Variants in DNM3 observed in about 807,000 individuals in gnomAD.
DNM3 encodes dynamin-3.
In DNM3, 47 loss-of-function variants were observed where a neutral mutation model predicts 101.6. That is an observed-to-expected ratio of 0.46 (90% CI 0.37 to 0.59). DNM3 has a LOEUF of 0.59. DNM3 is among the 20% of genes least tolerant of loss of function. The pLI, the probability that DNM3 is intolerant of heterozygous loss-of-function variation, is 0.00. For synonymous variants in DNM3, 385 were observed against 387.9 expected (o/e 0.99, Z 0.09); for missense variants, 849 against 1,085.7 (o/e 0.78, Z 3.06).
chr1:172,219,377 C>CAAAAA (rs58783160), intron 14 of DNM3, among the ~76,000 whole-genome samples: 102 of 56,212 alleles, frequency 1.8e-3, no homozygotes, highest in African/African-American at 4.5e-3. Context: ...TACCCTGTCT[C>CAAAAA]AAAAAAAAAA....
chr1:172,140,747 C>T (rs2057530903), intron 14 of DNM3, among the ~76,000 whole-genome samples: 1 of 151,792 alleles, frequency 6.6e-6, no homozygotes. Context: ...AACAATTGTT[C>T]TATTCATAAG....
chr1:172,133,740 A>G (rs1258830532), intron 14 of DNM3, among the ~76,000 whole-genome samples: 4 of 152,126 alleles, frequency 2.6e-5, no homozygotes, highest in African/African-American at 7.2e-5. Context: ...GACTGAGATG[A>G]TGAGCTGTGC....
chr1:172,228,241 A>T (rs1448011890), intron 14 of DNM3, among the ~76,000 whole-genome samples: 1 of 151,444 alleles, frequency 6.6e-6, no homozygotes, highest in African/African-American at 2.4e-5. Flanking sequence ...CCAAATTGTC[A>T]TCTATTTTGT....
chr1:172,067,574 C>T (rs1157932448), intron 10 of DNM3, among the ~76,000 whole-genome samples: 1 of 152,146 alleles, frequency 6.6e-6, no homozygotes, highest in South Asian at 2.1e-4. Context: ...ACACATGTTC[C>T]TGTTCCTGGC....
chr1:171,861,505 A>G (rs886947286), intron 1 of DNM3, among the ~76,000 whole-genome samples: 1 of 152,174 alleles, frequency 6.6e-6, no homozygotes, highest in Non-Finnish European at 1.5e-5. Flanking sequence ...AGCCTTTTCA[A>G]CAAATGGTAC....
chr1:172,349,597 G>C (rs2067107076), intron 17 of DNM3, among the ~76,000 whole-genome samples: 1 of 152,120 alleles, frequency 6.6e-6, no homozygotes, highest in Non-Finnish European at 1.5e-5. Context: ...AAAATATCCT[G>C]TTCTGAATTT....
intron 17 of DNM3, among the ~76,000 whole-genome samples, chr1:172,326,778 G>A (rs919210152): frequency 1.3e-5 from 2 of 152,004 alleles, no homozygotes; most frequent in Non-Finnish European, 2.9e-5. Context: ...AGTTTTTAAC[G>A]ATGTTGGTAT....
intron 14 of DNM3, among the ~76,000 whole-genome samples, chr1:172,180,535 G>A (rs935152413): frequency 6.6e-6 from 1 of 152,104 alleles, no homozygotes; most frequent in African/African-American, 2.4e-5. Flanking sequence ...AGAGCTTACT[G>A]CTAGAATACA....
intron 1 of DNM3, among the ~76,000 whole-genome samples, chr1:171,848,433 C>A (rs1237184977): frequency 6.6e-6 from 1 of 151,934 alleles, no homozygotes; most frequent in East Asian, 1.9e-4. Context: ...CAGATGGGCC[C>A]AGGAAAAGAC....
chr1:172,297,679 T>C (rs1435467808), intron 15 of DNM3, among the ~76,000 whole-genome samples: 1 of 152,178 alleles, frequency 6.6e-6, no homozygotes, highest in African/African-American at 2.4e-5. Context: ...TCTTTATTGC[T>C]TTCTAAATAA....
At chr1:172,308,662 G>A (rs1186198491) in intron 15 of DNM3, 66 bp from the exon 16 acceptor site, 2 of 773,908 alleles carry the variant, frequency 2.6e-6, no homozygotes, top group Non-Finnish European at 3.8e-6. Context: ...ATCGTCTACA[G>A]CAACATAAAA....
At chr1:172,252,298 T>A (rs2062204034) in intron 14 of DNM3, among the ~76,000 whole-genome samples, 1 of 152,102 alleles carries the variant, frequency 6.6e-6, no homozygotes, top group South Asian at 2.1e-4. Context: ...AACTTTTTTC[T>A]GATTAATTTA....
At chr1:172,171,444 A>C (rs1290309656) in intron 14 of DNM3, among the ~76,000 whole-genome samples, 2 of 151,832 alleles carry the variant, frequency 1.3e-5, no homozygotes, top group East Asian at 3.9e-4. Flanking sequence ...AGTTGAATAT[A>C]AGAATGAGTT....
At chr1:172,057,435 A>T (rs1337665909) in intron 10 of DNM3, among the ~76,000 whole-genome samples, 1 of 152,220 alleles carries the variant, frequency 6.6e-6, no homozygotes, top group Non-Finnish European at 1.5e-5. Context: ...TGTTAAGGGC[A>T]GCCAGAGAGA....
At chr1:172,374,839 C>T (rs1448677446) in intron 17 of DNM3, among the ~76,000 whole-genome samples, 1 of 152,026 alleles carries the variant, frequency 6.6e-6, no homozygotes, top group Non-Finnish European at 1.5e-5. Flanking sequence ...TTTACAATAT[C>T]TGTGATTTTT....
At chr1:171,962,647 A>C (rs1342075456) in intron 2 of DNM3, among the ~76,000 whole-genome samples, 2 of 152,164 alleles carry the variant, frequency 1.3e-5, no homozygotes, top group Non-Finnish European at 2.9e-5. Context: ...AAGAGCTATA[A>C]GAAGAGACCA....
intron 2 of DNM3, among the ~76,000 whole-genome samples, chr1:171,953,774 AT>A (rs1410850745): frequency 6.6e-6 from 1 of 152,144 alleles, no homozygotes; most frequent in Non-Finnish European, 1.5e-5. Context: ...CATTTAAAAA[AT>A]TTTAACTGAA....
At chr1:172,262,272 C>T (rs1185581964) in intron 15 of DNM3, among the ~76,000 whole-genome samples, 1 of 152,106 alleles carries the variant, frequency 6.6e-6, no homozygotes, top group African/African-American at 2.4e-5. Flanking sequence ...TACCCCTCTG[C>T]AGAGGGCCAC....
At chr1:172,347,461 G>A (rs753073125) in intron 17 of DNM3, among the ~76,000 whole-genome samples, 4 of 152,128 alleles carry the variant, frequency 2.6e-5, no homozygotes, top group South Asian at 2.1e-4. Flanking sequence ...GAGGCTTTAA[G>A]TATGAGAAGA....
Sources: allele counts gnomAD v4.1 joint callset (sites outside exome capture counted in the v4.1 genomes callset), GRCh38; gene constraint gnomAD v4.1.1; transcripts MANE v1.5; gene names NCBI Gene and HGNC (gene_info 2026-07-23, HGNC 2026-07-21).